The following HACL2 variants were observed in gnomAD, a reference collection of about 807,000 sequenced individuals.
HACL2 encodes the protein 2-hydroxyacyl-CoA lyase 2.
At chr19:15,123,603 A>G in the HACL2 span, 6 of 1,599,772 alleles carry the variant, frequency 3.8e-6, no homozygotes, top group Non-Finnish European at 4.2e-6. The surrounding 1 kb of genome is among the most constrained non-coding windows in gnomAD (Gnocchi z 5.1). Flanking sequence ...GTGGAGCAAT[A>G]AAGTTAAAGG....
the HACL2 span, among the ~76,000 whole-genome samples, chr19:15,120,442 C>T: frequency 6.6e-6 from 1 of 152,200 alleles, no homozygotes; most frequent in African/African-American, 2.4e-5. Flanking sequence ...GAGCTTCCAC[C>T]TCTGTCAATG....
chr19:15,122,566 T>TG, the HACL2 span: 1 of 776,122 alleles, frequency 1.3e-6, no homozygotes, highest in African/African-American at 1.7e-5. The surrounding 1 kb of genome is among the most constrained non-coding windows in gnomAD (Gnocchi z 4.0). Context: ...TCCTTCTACC[T>TG]GGAATGCTCT....
the HACL2 span, chr19:15,117,737 C>T: frequency 5.1e-6 from 4 of 786,146 alleles, no homozygotes; most frequent in Admixed American, 5.0e-5. Context: ...TGAGAGCCAA[C>T]TATTTGTCTC....
the HACL2 span, among the ~76,000 whole-genome samples, chr19:15,118,891 G>A: frequency 1.3e-5 from 2 of 152,202 alleles, no homozygotes; most frequent in African/African-American, 4.8e-5. Flanking sequence ...TCATGAATGA[G>A]CCCAGCCAAA....
chr19:15,115,209 T>A, the HACL2 span: 1 of 1,611,290 alleles, frequency 6.2e-7, no homozygotes, highest in African/African-American at 1.3e-5. Context: ...CTGGACACAG[T>A]CCAGGGGCAG....
the HACL2 span, among the ~76,000 whole-genome samples, chr19:15,119,741 G>C: frequency 1.3e-5 from 2 of 152,090 alleles, no homozygotes; most frequent in Non-Finnish European, 1.5e-5. Flanking sequence ...AGTAGAGACA[G>C]GGTTTCACCA....
chr19:15,122,782 G>A, the HACL2 span: 27 of 1,613,994 alleles, frequency 1.7e-5, 1 homozygote, highest in South Asian at 8.8e-5. This position sits in a 1 kb window ranked among gnomAD's most constrained non-coding sequence, Gnocchi z 4.0. Context: ...GCACGTCAAC[G>A]GGCAGCTCCA....
the HACL2 span, chr19:15,125,158 G>A: frequency 3.1e-6 from 4 of 1,283,434 alleles, no homozygotes; most frequent in East Asian, 2.6e-5. Flanking sequence ...AGGATCCAGG[G>A]CCACGACCCT....
chr19:15,119,021 T>G, the HACL2 span: 1 of 783,932 alleles, frequency 1.3e-6, no homozygotes, highest in East Asian at 2.9e-5. Context: ...ATTATGCGTC[T>G]GGTTGGGTTC....
the HACL2 span, chr19:15,115,980 C>T: frequency 1.2e-6 from 2 of 1,614,114 alleles, no homozygotes; most frequent in Non-Finnish European, 1.7e-6. Flanking sequence ...AGCAGCAAGT[C>T]TCCCAACTCC....
At chr19:15,120,250 C>A in the HACL2 span, among the ~76,000 whole-genome samples, 2 of 152,154 alleles carry the variant, frequency 1.3e-5, no homozygotes, top group Non-Finnish European at 2.9e-5. Flanking sequence ...GCCAGGTCTT[C>A]AACTGCCTGT....
the HACL2 span, chr19:15,117,868 T>C: frequency 1.2e-6 from 2 of 1,613,508 alleles, no homozygotes; most frequent in African/African-American, 1.3e-5. Context: ...TACGGGGGGA[T>C]TAAGGGGCTC....
At chr19:15,118,032 G>A in the HACL2 span, 2 of 1,613,876 alleles carry the variant, frequency 1.2e-6, no homozygotes, top group East Asian at 2.2e-5. Flanking sequence ...TGGGGGACAG[G>A]AATGCAGTAG....
At chr19:15,122,962 A>T in the HACL2 span, 20 of 1,604,252 alleles carry the variant, frequency 1.2e-5, no homozygotes, top group Non-Finnish European at 1.4e-5. This position sits in a 1 kb window ranked among gnomAD's most constrained non-coding sequence, Gnocchi z 4.0. Context: ...CCCTCCGCAC[A>T]GACACACAAA....
chr19:15,122,944 G>A, the HACL2 span: 1 of 1,605,586 alleles, frequency 6.2e-7, no homozygotes. This position sits in a 1 kb window ranked among gnomAD's most constrained non-coding sequence, Gnocchi z 4.0. Context: ...TGGGCACAAT[G>A]TCCCGCACCC....
the HACL2 span, chr19:15,117,847 G>T: frequency 6.2e-7 from 1 of 1,612,950 alleles, no homozygotes; most frequent in South Asian, 1.1e-5. Flanking sequence ...ACTGGGAGGA[G>T]CACATATGTG....
the HACL2 span, among the ~76,000 whole-genome samples, chr19:15,120,877 A>G: frequency 1.3e-5 from 2 of 152,110 alleles, no homozygotes; most frequent in Non-Finnish European, 1.5e-5. Context: ...GGCTGTGGTG[A>G]GCTATGATCA....
At chr19:15,125,310 A>C in the HACL2 span, 2 of 509,370 alleles carry the variant, frequency 3.9e-6, no homozygotes, top group Non-Finnish European at 6.9e-6. Context: ...CATCACCACC[A>C]CTCCCACCCA....
chr19:15,115,122 C>T, the HACL2 span: 1 of 1,062,432 alleles, frequency 9.4e-7, no homozygotes, highest in Non-Finnish European at 1.4e-6. Context: ...CCCTCCATCC[C>T]CTCCTCAGGG....
Sources: gnomAD v4.1 joint callset for allele counts (sites outside exome capture counted in the v4.1 genomes callset) on GRCh38, gnomAD v4.1.1 for gene constraint, Gnocchi (gnomAD v3.1) non-coding constraint, MANE v1.5 for transcripts, NCBI Gene and HGNC (gene_info 2026-07-23, HGNC 2026-07-21) for gene names.